Variants in CADPS observed in about 807,000 individuals in gnomAD.
The protein encoded by CADPS is calcium dependent secretion activator, also known as calcium-dependent secretion activator 1.
CADPS carries 57 observed loss-of-function variants against 167.3 expected under a neutral mutation model. The observed-to-expected ratio is 0.34, with a 90% CI of 0.28 to 0.42. The LOEUF (loss-of-function observed/expected upper bound fraction) is 0.42. Among genes scored for constraint, CADPS ranks in the 20% least tolerant of loss-of-function variants. The pLI, the probability that CADPS is intolerant of heterozygous loss-of-function variation, is 1.00. For synonymous variants in CADPS, 676 were observed against 635.3 expected, an observed-to-expected ratio of 1.06 and a Z score of -0.96; for missense variants, 1,414 against 1,738.1, an observed-to-expected ratio of 0.81 and a Z score of 3.32.
intron 6 of CADPS, among the ~76,000 whole-genome samples, chr3:62,633,729 C>T (rs1051574088): frequency 1.1e-4 from 16 of 152,132 alleles, no homozygotes; most frequent in African/African-American, 3.6e-4. Flanking sequence ...TACATCTTTG[C>T]TTCACAGCAG....
intron 17 of CADPS, among the ~76,000 whole-genome samples, chr3:62,507,406 T>C (rs888433033): frequency 6.6e-6 from 1 of 152,060 alleles, no homozygotes; most frequent in African/African-American, 2.4e-5. Flanking sequence ...TTCATGTCTC[T>C]GTTTTCTTTT....
chr3:62,430,862 G>A (rs1439408112), intron 28 of CADPS, among the ~76,000 whole-genome samples: 2 of 151,882 alleles, frequency 1.3e-5, no homozygotes, highest in African/African-American at 2.4e-5. Context: ...CATGGCCTAG[G>A]GTATGACTTA....
chr3:62,571,568 T>C (rs1265942131), intron 8 of CADPS, among the ~76,000 whole-genome samples: 2 of 142,904 alleles, frequency 1.4e-5, no homozygotes, highest in Non-Finnish European at 3.1e-5. Flanking sequence ...TAAATATTAC[T>C]TTTTTTTTTT....
chr3:62,508,250 A>G (rs1308811439), intron 17 of CADPS, among the ~76,000 whole-genome samples: 3 of 152,206 alleles, frequency 2.0e-5, no homozygotes. Context: ...AATAGCACAT[A>G]GGACAAGAGA....
At chr3:62,845,788 G>A (rs1193888864) in intron 1 of CADPS, among the ~76,000 whole-genome samples, 2 of 152,142 alleles carry the variant, frequency 1.3e-5, no homozygotes, top group African/African-American at 4.8e-5. Flanking sequence ...CGATAGCCAA[G>A]ATTTTATTGA....
chr3:62,492,093 G>A (rs934828140), intron 20 of CADPS, among the ~76,000 whole-genome samples, 197 bp downstream of exon 20: 13 of 152,072 alleles, frequency 8.5e-5, no homozygotes, highest in Non-Finnish European at 1.5e-4. Flanking sequence ...AAGAGAGAGC[G>A]TCCCTAGAAC....
At chr3:62,441,792 A>G (rs1354226935) in intron 27 of CADPS, among the ~76,000 whole-genome samples, 2 of 152,210 alleles carry the variant, frequency 1.3e-5, no homozygotes, top group Non-Finnish European at 2.9e-5. Flanking sequence ...CTGGGCCCTG[A>G]ACCCCAAAGA....
chr3:62,523,961 C>T (rs999369764), intron 13 of CADPS, among the ~76,000 whole-genome samples: 4 of 152,154 alleles, frequency 2.6e-5, no homozygotes, highest in Non-Finnish European at 5.9e-5. Context: ...CGAAATTGTT[C>T]CAGCCCAGAA....
intron 1 of CADPS, among the ~76,000 whole-genome samples, chr3:62,855,091 A>ATTTTTTTTTTTTT (rs554197608): frequency 0.068 from 6,289 of 92,152 alleles, 763 homozygotes; most frequent in Non-Finnish European, 0.096. Flanking sequence ...TGCCCGGCTA[A>ATTTTTTTTTTTTT]TTTTTTTTTT....
In CADPS at chr3:62,601,999, C is replaced by T. The variant is rs929687618; in HGVS notation, c.1326-9251G>A. On this transcript the variant is annotated intron_variant, in intron 6 of 29. Transcript: ENST00000383710. The surrounding 1 kb of genome is among the most constrained non-coding windows in gnomAD (Gnocchi z 4.3). ...TTTACTATTTAAAGCCTCTTATTTGCGGAAGCCTCCTCAGACCATATGTTA... is the reference window on the plus strand; with the variant it reads ...TTTACTATTTAAAGCCTCTTATTTGTGGAAGCCTCCTCAGACCATATGTTA... 3.3e-5 allele frequency among the ~76,000 whole-genome samples: 5 copies of T among 152,172 alleles called. No homozygotes were observed. The highest frequency in any genetic ancestry group is 2.6e-4 in the Admixed American group (4 of 15,282).
chr3:62,770,650 T>G lies in CADPS; in HGVS notation c.442-4666A>C, dbSNP rs182624372. On this transcript the variant is annotated intron_variant, in intron 1 of 29. Transcript: ENST00000383710. ...CATGTTGATCAGGCTGGTCTTGAAC[T>G]CCTGGCCTCAAGTGATCCACCTGCC... Among the ~76,000 whole-genome samples the G allele has an allele frequency of 1.9e-4, 29 of 152,310 alleles. No individual in the cohort carries two copies. In the South Asian group the frequency reaches 3.1e-3, roughly 16 times the overall value.
At chr3:62,685,207 C>T (rs2077787940) in intron 3 of CADPS, among the ~76,000 whole-genome samples, 1 of 151,974 alleles carries the variant, frequency 6.6e-6, no homozygotes, top group South Asian at 2.1e-4. Flanking sequence ...GTGGTGATTT[C>T]ACTCAAAAAC....
chr3:62,863,234 A>G (rs897168292), intron 1 of CADPS, among the ~76,000 whole-genome samples: 2 of 152,166 alleles, frequency 1.3e-5, no homozygotes, highest in African/African-American at 4.8e-5. Context: ...TTAAGTGTGA[A>G]GGCTGGAGTC....
At chr3:62,497,082 T>C (rs1035813696) in intron 18 of CADPS, among the ~76,000 whole-genome samples, 5 of 152,170 alleles carry the variant, frequency 3.3e-5, no homozygotes, top group East Asian at 3.9e-4. Flanking sequence ...TTTGTGATGA[T>C]GGTTATTAGG....
chr3:62,712,806 T>C (rs181029382), intron 3 of CADPS, among the ~76,000 whole-genome samples: 89 of 152,324 alleles, frequency 5.8e-4, no homozygotes, highest in African/African-American at 2.0e-3. Flanking sequence ...TGGATTTCCC[T>C]GAGACTTTGA....
At chr3:62,594,143 A>AT (rs1237607335) in intron 6 of CADPS, among the ~76,000 whole-genome samples, 32 of 144,600 alleles carry the variant, frequency 2.2e-4, no homozygotes, top group Non-Finnish European at 3.9e-4. Flanking sequence ...TTTTTTATTT[A>AT]TTTTTTTTAT....
intron 13 of CADPS, among the ~76,000 whole-genome samples, chr3:62,531,857 T>G (rs1047488932): frequency 6.6e-5 from 10 of 152,194 alleles, no homozygotes; most frequent in African/African-American, 2.4e-4. Context: ...TGTTCTTAAA[T>G]TATTTGCTGC....
At chr3:62,617,892 C>T (rs1262125630) in intron 6 of CADPS, among the ~76,000 whole-genome samples, 1 of 152,140 alleles carries the variant, frequency 6.6e-6, no homozygotes, top group Non-Finnish European at 1.5e-5. Context: ...TTTTTGCCTG[C>T]TCAACGTCCT....
chr3:62,647,869 T>C (rs2068951128), intron 5 of CADPS, among the ~76,000 whole-genome samples: 1 of 152,210 alleles, frequency 6.6e-6, no homozygotes, highest in Non-Finnish European at 1.5e-5. Context: ...GGATTCACTG[T>C]GTTATGATGA....
Sources: gnomAD v4.1 joint callset for allele counts (sites outside exome capture counted in the v4.1 genomes callset) on GRCh38, gnomAD v4.1.1 for gene constraint, Gnocchi (gnomAD v3.1) non-coding constraint, MANE v1.5 for transcripts, NCBI Gene and HGNC (gene_info 2026-07-23, HGNC 2026-07-21) for gene names.